The following NEDD4 variants were observed in gnomAD, a reference collection of about 807,000 sequenced individuals.
NEDD4 encodes E3 ubiquitin-protein ligase NEDD4.
Under a neutral mutation model 144.9 loss-of-function variants are expected in NEDD4, and 99 were observed. The ratio of observed to expected loss-of-function variants is 0.68; its 90% confidence interval spans 0.58 to 0.81. The LOEUF is 0.81. NEDD4 is among the 30% of genes least tolerant of loss of function. NEDD4 has a pLI of 0.00. For synonymous variants in NEDD4, 318 were observed against 350.6 expected (o/e 0.91, Z 1.04); for missense variants, 985 against 1,065.9 (o/e 0.92, Z 1.06).
chr15:55,916,654 G>T (rs561683117), intron 5 of NEDD4: 1 of 1,613,970 alleles, frequency 6.2e-7, no homozygotes, highest in African/African-American at 1.3e-5. Context: ...TTTATTAACG[G>T]AGCTAGTGCA....
chr15:55,854,997 G>A (rs979846605), intron 12 of NEDD4, among the ~76,000 whole-genome samples: 9 of 152,106 alleles, frequency 5.9e-5, no homozygotes, highest in East Asian at 1.9e-4. Flanking sequence ...CAGCTTGAGC[G>A]GGCTCTGATC....
At chr15:55,830,446 T>C in intron 28 of NEDD4, 68 bp downstream of exon 28, 1 of 1,341,248 alleles carries the variant, frequency 7.5e-7, no homozygotes, top group Non-Finnish European at 1.1e-6. Context: ...AGCCCTGCTG[T>C]GGCTAGACTA....
At position 55,850,675 on chromosome 15, in the gene NEDD4, G is replaced by T; in HGVS notation, c.1214C>A (p.Thr405Asn). The T allele has an allele frequency of 6.2e-7, 1 of 1,614,128 alleles. No homozygotes were observed. Among genetic ancestry groups the T allele is most frequent in the Non-Finnish European group, 8.5e-7 (1 of 1,180,032 alleles). Residue 405 changes from threonine to asparagine, a missense_variant, in exon 14 of 29, where the codon ACC (threonine) becomes AAC (asparagine). By Grantham distance (65) the Thr-to-Asn change is moderately conservative. Transcript: ENST00000435532. ...GGTCACCTGCTGGCCTGAATCACTG[G>T]TGGAGGCTTGTGATTGAGGGCCTGC... ...SSAGPQSQAS[T>N]SDSGQQVTQP...
At chr15:55,882,199 A>G (rs1397900724) in intron 5 of NEDD4, among the ~76,000 whole-genome samples, 2 of 152,248 alleles carry the variant, frequency 1.3e-5, no homozygotes, top group African/African-American at 4.8e-5. Context: ...AAGCACCTTC[A>G]TAAGAACCAA....
At chr15:55,864,100 TAGAAA>T (rs1421249577) in intron 8 of NEDD4, among the ~76,000 whole-genome samples, 1 of 152,144 alleles carries the variant, frequency 6.6e-6, no homozygotes, top group Non-Finnish European at 1.5e-5. Flanking sequence ...AAGGAATTGA[TAGAAA>T]AGAGTAGCAA....
rs187044736 is a variant in NEDD4 at position 55,981,717 on chromosome 15, T to C, written c.45+11794A>G. The stretch of plus-strand genomic sequence containing the variant: ...ATGGACTAGCAGTATGAACATCACA[T>C]GGAAATTTGTTACATATGCAAATGT... On this transcript the variant is annotated intron_variant, in intron 1 of 28. Coordinates refer to ENST00000435532, the MANE Select transcript of NEDD4 (RefSeq NM_006154.4). 1.2e-3 allele frequency among the ~76,000 whole-genome samples: 177 copies of C among 152,302 alleles called. 1 individual carries two copies. In the Middle Eastern group the frequency reaches 0.027, roughly 23 times the overall value.
intron 1 of NEDD4, among the ~76,000 whole-genome samples, chr15:55,988,712 T>C (rs965203071): frequency 6.6e-6 from 1 of 152,100 alleles, no homozygotes; most frequent in Non-Finnish European, 1.5e-5. Flanking sequence ...GGTATGGTTG[T>C]TATGCAGGAA....
chr15:55,917,862 T>C (rs113213665), intron 5 of NEDD4, among the ~76,000 whole-genome samples: 1 of 152,134 alleles, frequency 6.6e-6, no homozygotes, highest in South Asian at 2.1e-4. Context: ...CCAAGATAGT[T>C]TGAACACACA....
intron 1 of NEDD4, among the ~76,000 whole-genome samples, chr15:55,989,846 C>T (rs761900326): frequency 6.6e-6 from 1 of 152,160 alleles, no homozygotes; most frequent in Admixed American, 6.5e-5. Context: ...ACCAGCCACA[C>T]AGCAGGAGGT....
At chr15:55,892,266 CAATAAATAAATAAATAAATA>C (rs138951402) in intron 5 of NEDD4, among the ~76,000 whole-genome samples, 51,033 of 138,070 alleles carry the variant, frequency 0.37, 9,627 homozygotes, top group South Asian at 0.43. Context: ...AACTCCAACT[CAATAAATAAATAAATAAATA>C]AATAAATAAA....
At chr15:55,846,928 A>G (rs756200498) in intron 18 of NEDD4, 41 bp downstream of exon 18, 1 of 1,208,400 alleles carries the variant, frequency 8.3e-7, no homozygotes, top group Non-Finnish European at 1.2e-6. Context: ...TTCCATCTAT[A>G]TATTGATGAC....
At chr15:55,986,174 A>G (rs947922135) in intron 1 of NEDD4, among the ~76,000 whole-genome samples, 9 of 152,242 alleles carry the variant, frequency 5.9e-5, no homozygotes, top group Non-Finnish European at 1.0e-4. Flanking sequence ...TCTTACATAG[A>G]ATGCCAACTA....
intron 5 of NEDD4, among the ~76,000 whole-genome samples, chr15:55,891,248 A>G (rs867046747): frequency 2.7e-4 from 41 of 152,204 alleles, no homozygotes; most frequent in African/African-American, 9.4e-4. Flanking sequence ...TGTATTTCCA[A>G]TATTTGAAAA....
intron 1 of NEDD4, among the ~76,000 whole-genome samples, chr15:55,971,675 T>A (rs754708734): frequency 6.8e-6 from 1 of 147,190 alleles, no homozygotes; most frequent in South Asian, 2.1e-4. Flanking sequence ...GCAAGAGAGA[T>A]TGGGGTAAAA....
chr15:55,887,388 A>G (rs1394414388), intron 5 of NEDD4, among the ~76,000 whole-genome samples: 1 of 152,176 alleles, frequency 6.6e-6, no homozygotes, highest in East Asian at 1.9e-4. Flanking sequence ...TGGAAAATCT[A>G]GAAGTGGATA....
intron 2 of NEDD4, among the ~76,000 whole-genome samples, chr15:55,954,768 C>CCT (rs1430905266): frequency 6.6e-6 from 1 of 152,222 alleles, no homozygotes; most frequent in African/African-American, 2.4e-5. Flanking sequence ...AGGTGATCCA[C>CCT]CTGCCTTGGC....
intron 2 of NEDD4, among the ~76,000 whole-genome samples, chr15:55,957,276 T>C (rs2037353341): frequency 6.6e-6 from 1 of 151,858 alleles, no homozygotes; most frequent in Admixed American, 6.6e-5. Flanking sequence ...TTTTTGACTG[T>C]GTGATTTTTT....
intron 1 of NEDD4, among the ~76,000 whole-genome samples, chr15:55,975,209 A>T (rs1168665537): frequency 6.6e-6 from 1 of 151,926 alleles, no homozygotes; most frequent in African/African-American, 2.4e-5. Context: ...TTTTACCACT[A>T]TTATTGAATA....
At position 55,980,795 on chromosome 15, in the gene NEDD4, T is replaced by G. The variant is rs112301491; in HGVS notation, c.45+12716A>C. On this transcript the variant is annotated intron_variant, in intron 1 of 28. Transcript: ENST00000435532. ...TTCATTTTTAGTGTGTGTGTAGGGG[T>G]GTGTGTGTGTGTGTGTGTGTTACAT... 4.5e-4 allele frequency among the ~76,000 whole-genome samples: 65 copies of G among 145,312 alleles called. 5 individuals are homozygous for G. The highest frequency in any genetic ancestry group is 1.3e-3 in the African/African-American group (48 of 38,242).
Sources: allele counts gnomAD v4.1 joint callset (sites outside exome capture counted in the v4.1 genomes callset), GRCh38; gene constraint gnomAD v4.1.1; transcripts MANE v1.5; gene names NCBI Gene and HGNC (gene_info 2026-07-23, HGNC 2026-07-21).